POLR1D: variants seen among roughly 807,000 people sequenced by gnomAD.
POLR1D encodes the protein DNA-directed RNA polymerases I and III subunit RPAC2.
A neutral mutation model predicts 10.8 loss-of-function variants in POLR1D; 8 were observed. That is an observed-to-expected ratio of 0.74 (90% confidence interval 0.43 to 1.33). The LOEUF (loss-of-function observed/expected upper bound fraction) is 1.33. Among genes scored for constraint, POLR1D ranks in the 40% most tolerant of loss-of-function variants. The probability of loss-of-function intolerance (pLI) is 0.01; values close to 1 mark genes in which losing one functional copy is unlikely to be tolerated. For synonymous variants in POLR1D, 54 were observed against 57.2 expected (o/e 0.94, Z 0.25); for missense variants, 152 against 161.7 (o/e 0.94, Z 0.32).
downstream of POLR1D, chr13:27,623,543 A>G (rs1275529762): frequency 2.8e-6 from 1 of 356,672 alleles, no homozygotes; most frequent in Non-Finnish European, 5.2e-6. Flanking sequence ...GGAAACTGAG[A>G]ATATCAGAGG....
Position 27,648,359 on chromosome 13 carries a change from C to A in POLR1D, c.27-20C>A, listed in dbSNP as rs202089230. 5.8e-4 allele frequency: 891 copies of A among 1,533,904 alleles called. 1 individual carries two copies. The highest frequency in any genetic ancestry group is 7.3e-4 in the Non-Finnish European group (808 of 1,108,900). On this transcript the variant is annotated intron_variant, in intron 1 of 2. Transcript: ENST00000399697. ...TTAGTAGGGTGACTGCCTCTCAAAT[C>A]TTTTCCTTTTTCTTATCAGGAAAGC...
At chr13:27,634,919 C>G (rs1157871816) in intron 1 of POLR1D, among the ~76,000 whole-genome samples, 2 of 152,108 alleles carry the variant, frequency 1.3e-5, no homozygotes, top group Admixed American at 6.5e-5. Flanking sequence ...AACCTATCCA[C>G]CTGCCTTGGC....
chr13:27,626,389 T>G (rs1188825047), downstream of POLR1D, among the ~76,000 whole-genome samples: 1 of 152,174 alleles, frequency 6.6e-6, no homozygotes, highest in East Asian at 1.9e-4. Context: ...TAGAATGCAG[T>G]CTTGAATGTC....
At chr13:27,645,967 C>A (rs1956217119) in intron 1 of POLR1D, among the ~76,000 whole-genome samples, 2 of 152,204 alleles carry the variant, frequency 1.3e-5, no homozygotes, top group South Asian at 4.1e-4. Flanking sequence ...AGGGTCTCTG[C>A]AAGAATCTTT....
intron 2 of POLR1D, among the ~76,000 whole-genome samples, chr13:27,661,559 G>A (rs979951478): frequency 2.6e-5 from 4 of 152,148 alleles, no homozygotes; most frequent in Admixed American, 1.3e-4. Flanking sequence ...GCAGGCAGCC[G>A]TGGCCTATGA....
upstream of POLR1D, chr13:27,621,012 G>A (rs1955905107): frequency 6.5e-6 from 1 of 153,122 alleles, no homozygotes; most frequent in Non-Finnish European, 1.5e-5. Flanking sequence ...GAGGGGACAA[G>A]AAGGGCCGAT....
chr13:27,654,092 TA>T, intron 2 of POLR1D, among the ~76,000 whole-genome samples: 2 of 152,364 alleles, frequency 1.3e-5, no homozygotes, highest in East Asian at 3.9e-4. Context: ...TACTCACTTG[TA>T]AATTGCGTGA....
intron 2 of POLR1D, among the ~76,000 whole-genome samples, chr13:27,648,686 C>T (rs1274079086): frequency 6.6e-6 from 1 of 152,108 alleles, no homozygotes; most frequent in Admixed American, 6.5e-5. Flanking sequence ...GGTTCATTGT[C>T]CCTTTAGTTC....
intron 1 of POLR1D, 132 bp from the exon 2 acceptor site, chr13:27,622,741 TGA>T: frequency 1.6e-6 from 1 of 643,634 alleles, no homozygotes; most frequent in Non-Finnish European, 2.8e-6. Context: ...GGCAGGAAAA[TGA>T]GAGGCGAATA....
At chr13:27,664,769 A>C (rs1231116039) in intron 2 of POLR1D, 1 of 152,350 alleles carries the variant, frequency 6.6e-6, no homozygotes, top group East Asian at 1.9e-4. Context: ...TCAAAGTTTT[A>C]TAGAAATGTG....
At chr13:27,665,529 C>CA (rs1956407099) in intron 2 of POLR1D, 3 of 689,592 alleles carry the variant, frequency 4.4e-6, no homozygotes, top group Non-Finnish European at 5.2e-6. Context: ...CCCTGGTACT[C>CA]AGAGTTTACA....
chr13:27,663,559 C>T lies in POLR1D; in HGVS notation c.102-2127C>T, dbSNP rs1374841327. Among the ~76,000 whole-genome samples, 2 of 152,156 alleles carry T rather than the reference C, an allele frequency of 1.3e-5. No homozygotes were observed. Among genetic ancestry groups the T allele is most frequent in the East Asian group, 1.9e-4 (1 of 5,194 alleles). On this transcript the variant is annotated intron_variant, in intron 2 of 2. Coordinates refer to the POLR1D transcript ENST00000399697. The surrounding 1 kb of genome is among the most constrained non-coding windows in gnomAD (Gnocchi z 4.1). ...AGGTGCAGTCCCCTCTGCCTCTTGG[C>T]GTGAATGCTGCAGTTAGTAGCAGGG... is the stretch of plus-strand genomic sequence containing the variant.
chr13:27,642,923 A>C (rs1218952), intron 1 of POLR1D, among the ~76,000 whole-genome samples: 44,151 of 152,128 alleles, frequency 0.29, 7,856 homozygotes, highest in Admixed American at 0.42. Context: ...GCATGAAATC[A>C]ACAAAGGATC....
chr13:27,621,910 C>A lies in POLR1D; in HGVS notation c.-74C>A. ...GGTCGGTCCTTGCTTCCTGCTTCGCCTCCGCGCCTCGCGCTATGGGACAGA... is the reference window on the plus strand; with the variant it reads ...GGTCGGTCCTTGCTTCCTGCTTCGCATCCGCGCCTCGCGCTATGGGACAGA... On this transcript the variant is annotated 5_prime_UTR_variant, in exon 1 of 2. Transcript: ENST00000302979. 1 of 1,500,364 alleles carries A rather than the reference C, an allele frequency of 6.7e-7. No homozygotes were observed. The highest frequency in any genetic ancestry group is 2.4e-5 in the East Asian group (1 of 41,854). 92.9% of individuals were successfully genotyped at this position (1,500,364 alleles called of 1,614,324 possible).
At chr13:27,636,636 G>A (rs946054231) in intron 1 of POLR1D, among the ~76,000 whole-genome samples, 3 of 152,206 alleles carry the variant, frequency 2.0e-5, no homozygotes, top group Non-Finnish European at 4.4e-5. Flanking sequence ...ATGGTCCCAA[G>A]CATTTGTACT....
intron 1 of POLR1D, among the ~76,000 whole-genome samples, chr13:27,629,249 C>G (rs1437283652): frequency 6.6e-6 from 1 of 152,186 alleles, no homozygotes; most frequent in Non-Finnish European, 1.5e-5. Flanking sequence ...ACTCACAATG[C>G]CTGGGTTTTG....
chr13:27,665,894 TC>T lies in POLR1D; in HGVS notation c.314del (p.Pro105ArgfsTer43). On this transcript the variant is annotated frameshift_variant, in exon 3 of 3. Transcript: ENST00000399697. LOFTEE classifies it low-confidence loss of function (END_TRUNC). ...CCGCGCTCGAGGTTCCGCCAGTTAC[TC>T]CCCGCCACGAAAGCGGAGCAGCCAG... The T allele has an allele frequency of 1.2e-6, 2 of 1,613,138 alleles. No individual in the cohort carries two copies. The highest frequency in any genetic ancestry group is 1.7e-6 in the Non-Finnish European group (2 of 1,179,406).
rs563850494 is a variant in POLR1D at position 27,633,323 on chromosome 13, G to A, written c.26+11314G>A. Among the ~76,000 whole-genome samples, 8 of 152,282 alleles carry A rather than the reference G, an allele frequency of 5.3e-5. No individual in the cohort carries two copies. The South Asian group carries it at 1.5e-3, about 28-fold the overall frequency. On this transcript the variant is annotated intron_variant, in intron 1 of 2. Coordinates refer to the POLR1D transcript ENST00000399697. ...CTCACATTAATGAGAACTGACCCCCGCCAAGGCCGACAATGTTGGTTTTGT... is the reference window on the plus strand; with the variant it reads ...CTCACATTAATGAGAACTGACCCCCACCAAGGCCGACAATGTTGGTTTTGT...
chr13:27,621,732 T>G, upstream of POLR1D: 1 of 313,404 alleles, frequency 3.2e-6, no homozygotes, highest in Non-Finnish European at 5.8e-6. Context: ...TGGCCTCGCG[T>G]GGTCGCCCAG....
Sources: gnomAD v4.1 joint callset for allele counts (sites outside exome capture counted in the v4.1 genomes callset) on GRCh38, gnomAD v4.1.1 for gene constraint, Gnocchi (gnomAD v3.1) non-coding constraint, MANE v1.5 for transcripts, NCBI Gene and HGNC (gene_info 2026-07-23, HGNC 2026-07-21) for gene names.